GATAD1: variants seen among roughly 807,000 people sequenced by gnomAD.
GATAD1 encodes GATA zinc finger domain-containing protein 1.
GATAD1 carries 12 observed loss-of-function variants against 26.5 expected under a neutral mutation model. That is an observed-to-expected ratio of 0.45 (90% confidence interval 0.29 to 0.73). GATAD1 has a LOEUF of 0.73. Ranked by LOEUF, GATAD1 falls within the 30% of genes least tolerant of loss-of-function variation. GATAD1 has a pLI of 0.10. For missense variants in GATAD1, 266 were observed against 342.1 expected, an observed-to-expected ratio of 0.78 and a Z score of 1.75; for synonymous variants, 129 against 133.1, an observed-to-expected ratio of 0.97 and a Z score of 0.21.
At position 92,457,951 on chromosome 7, in the gene GATAD1, A is replaced by T. The variant is rs909157119; in HGVS notation, c.*1389A>T. On this transcript the variant is annotated 3_prime_UTR_variant, in exon 5 of 5. Transcript: ENST00000287957. ...CAGGAGTTCAGGACCAGCCTGGCCA[A>T]CATGATGAAACCCTGTCTCTACTAA... 2 of 152,234 alleles carry T rather than the reference A, an allele frequency of 1.3e-5. No homozygotes were observed. The highest frequency in any genetic ancestry group is 6.5e-5 in the Admixed American group (1 of 15,286). 9.4% of individuals were successfully genotyped at this position (152,234 alleles called of 1,614,324 possible).
chr7:92,463,775 C>T (rs1480678151), downstream of GATAD1, among the ~76,000 whole-genome samples: 1 of 152,008 alleles, frequency 6.6e-6, no homozygotes, highest in African/African-American at 2.4e-5. Flanking sequence ...TAAGGACCAG[C>T]CTGGCCAACG....
At chr7:92,475,091 A>T in the GATAD1 span, 2 of 152,172 alleles carry the variant, frequency 1.3e-5, no homozygotes, top group Admixed American at 6.5e-5. Context: ...TAATGAAAAG[A>T]AAGTTTGTAC....
At chr7:92,489,880 A>G in the GATAD1 span, 1 of 1,614,124 alleles carries the variant, frequency 6.2e-7, no homozygotes, top group South Asian at 1.1e-5. Context: ...ATCCTGAGTC[A>G]TGGAGCTTGG....
At chr7:92,486,212 G>A in the GATAD1 span, among the ~76,000 whole-genome samples, 1 of 152,182 alleles carries the variant, frequency 6.6e-6, no homozygotes, top group African/African-American at 2.4e-5. Context: ...GGAGAGAACA[G>A]CCCAAGTCTG....
rs376663158 is a variant in GATAD1, at chr7:92,447,488, C to T, written c.-242C>T. 6.1e-5 allele frequency: 20 copies of T among 329,058 alleles called. 1 individual carries two copies. Among genetic ancestry groups the T allele is most frequent in the African/African-American group, 4.1e-4 (19 of 46,050 alleles). The allele number at this position is 329,058 out of a possible 1,614,324, so 20.4% of individuals were successfully genotyped here. On this transcript the variant is annotated 5_prime_UTR_variant, in exon 1 of 5. Coordinates refer to ENST00000287957, the MANE Select transcript of GATAD1 (RefSeq NM_021167.5). ...CCCCACCCCGGCCAGATCCCTTTCC[C>T]AGTCCTGCTTCCCAGTGCCTCGGGC...
At chr7:92,467,406 A>G in the GATAD1 span, among the ~76,000 whole-genome samples, 2 of 152,354 alleles carry the variant, frequency 1.3e-5, no homozygotes, top group Admixed American at 1.3e-4. Context: ...CATGGAGGGG[A>G]GGAAAATTTC....
chr7:92,470,677 C>T, the GATAD1 span: 2 of 267,704 alleles, frequency 7.5e-6, no homozygotes, highest in East Asian at 7.6e-5. Context: ...TAGTTCTTTT[C>T]CCTCTTCTCA....
downstream of GATAD1, among the ~76,000 whole-genome samples, chr7:92,463,498 A>C (rs1789993937): frequency 6.6e-6 from 1 of 151,236 alleles, no homozygotes; most frequent in Non-Finnish European, 1.5e-5. Context: ...AAAAAATAAA[A>C]ACAAATAAAA....
the GATAD1 span, among the ~76,000 whole-genome samples, chr7:92,466,695 G>A: frequency 1.3e-5 from 2 of 152,290 alleles, no homozygotes; most frequent in East Asian, 3.9e-4. Context: ...CCCATTACAT[G>A]TATGTTTTCG....
At chr7:92,491,605 T>G in the GATAD1 span, 2 of 722,358 alleles carry the variant, frequency 2.8e-6, no homozygotes, top group Non-Finnish European at 4.8e-6. Context: ...TACAAGAAAC[T>G]TAGAAGCATT....
the GATAD1 span, chr7:92,468,447 C>G: frequency 4.8e-6 from 1 of 209,162 alleles, no homozygotes; most frequent in Admixed American, 5.3e-5. Context: ...GGAGGGGACC[C>G]AAAGGGGGTT....
the GATAD1 span, among the ~76,000 whole-genome samples, chr7:92,495,376 G>A: frequency 6.6e-6 from 1 of 151,888 alleles, no homozygotes; most frequent in Non-Finnish European, 1.5e-5. Flanking sequence ...ATATCTTCTG[G>A]GGCCAAAAAT....
At chr7:92,489,975 T>C in the GATAD1 span, 4 of 1,213,500 alleles carry the variant, frequency 3.3e-6, no homozygotes, top group Non-Finnish European at 4.8e-6. Context: ...ACTATGTGTT[T>C]ACCAAATATA....
the GATAD1 span, among the ~76,000 whole-genome samples, chr7:92,486,207 G>T: frequency 6.6e-6 from 1 of 152,204 alleles, no homozygotes; most frequent in Non-Finnish European, 1.5e-5. Context: ...ACCCAGGAGA[G>T]AACAGCCCAA....
At chr7:92,489,805 T>C in the GATAD1 span, 5 of 1,613,926 alleles carry the variant, frequency 3.1e-6, no homozygotes, top group Non-Finnish European at 4.2e-6. Flanking sequence ...GCAACCCTCT[T>C]GTGAAGCTGT....
At chr7:92,462,418 A>G (rs1312912194), downstream of GATAD1, among the ~76,000 whole-genome samples, 1 of 152,064 alleles carries the variant, frequency 6.6e-6, no homozygotes, top group Non-Finnish European at 1.5e-5. Context: ...ACATATGCAT[A>G]TAAAGAAAAC....
At chr7:92,493,984 G>A in the GATAD1 span, 1 of 317,624 alleles carries the variant, frequency 3.1e-6, no homozygotes, top group African/African-American at 2.2e-5. Context: ...TTTTTTGACA[G>A]GATAATGGAA....
the GATAD1 span, chr7:92,487,400 A>G: frequency 1.1e-6 from 1 of 892,168 alleles, no homozygotes; most frequent in Non-Finnish European, 1.8e-6. Context: ...TTCCTGTTAC[A>G]ACATATGGAA....
At chr7:92,484,129 A>G in the GATAD1 span, among the ~76,000 whole-genome samples, 1 of 152,176 alleles carries the variant, frequency 6.6e-6, no homozygotes, top group Admixed American at 6.5e-5. Context: ...TGAAAGTGCC[A>G]TATTCTGGCC....
Sources: gnomAD v4.1 joint callset for allele counts (sites outside exome capture counted in the v4.1 genomes callset) on GRCh38, gnomAD v4.1.1 for gene constraint, MANE v1.5 for transcripts, NCBI Gene and HGNC (gene_info 2026-07-23, HGNC 2026-07-21) for gene names.